The following RASSF5 variants were observed in gnomAD, a reference collection of about 807,000 sequenced individuals.
RASSF5 encodes Ras association domain family member 5, also known as ras association domain-containing protein 5.
A neutral mutation model predicts 40.5 loss-of-function variants in RASSF5; 25 were observed. The ratio of observed to expected loss-of-function variants is 0.62; its 90% CI spans 0.45 to 0.86. The LOEUF is 0.86. Among genes scored for constraint, RASSF5 ranks in the 40% least tolerant of loss-of-function variants. RASSF5 has a pLI of 0.00. For synonymous variants in RASSF5, 246 were observed against 252.4 expected, an observed-to-expected ratio of 0.97 and a Z score of 0.24; for missense variants, 521 against 572.8, an observed-to-expected ratio of 0.91 and a Z score of 0.92.
At chr1:206,512,609 T>C (rs1666646516) in intron 1 of RASSF5, among the ~76,000 whole-genome samples, 1 of 152,110 alleles carries the variant, frequency 6.6e-6, no homozygotes, top group Admixed American at 6.5e-5. Context: ...TTCTCCCCAA[T>C]TCTACCGGCG....
At position 206,586,882 on chromosome 1, in the gene RASSF5, G is replaced by C; in HGVS notation, c.1161G>C (p.Glu387Asp). ...ACTTCCTAACAATCCTGGAAAAAGA[G>C]GAGCAGGACAAAATCCAACAAGTGC... ...LQNFLTILEK[E>D]EQDKIQQVQK... Residue 387 changes from glutamate to aspartate, a missense_variant, in exon 6 of 6, where the codon GAG (glutamate) becomes GAC (aspartate). Glu to Asp is a conservative substitution (Grantham distance 45, BLOSUM62 2). This residue lies in a region of RASSF5 where 284 missense variants were observed against 360.8 expected (regional missense o/e 0.79). Transcript: ENST00000579436. The C allele has an allele frequency of 6.2e-7, 1 of 1,614,134 alleles. No homozygotes were observed. The highest frequency in any genetic ancestry group is 8.5e-7 in the Non-Finnish European group (1 of 1,180,030).
Position 206,586,936 on chromosome 1 carries a change from AC to A in RASSF5, c.1216del (p.Leu406TrpfsTer5). The A allele has an allele frequency of 6.2e-7, 1 of 1,614,166 alleles. No individual in the cohort carries two copies. Among genetic ancestry groups the A allele is most frequent in the Non-Finnish European group, 8.5e-7 (1 of 1,179,998 alleles). On this transcript the variant is annotated frameshift_variant, in exon 6 of 6. Coordinates refer to ENST00000579436, the MANE Select transcript of RASSF5 (RefSeq NM_182663.4). LOFTEE classifies it high-confidence loss of function. ...QKKYDKFRQK[L>X]EEALRESQGK... The stretch of plus-strand genomic sequence containing the variant: ...AGAAGTATGACAAGTTTAGGCAGAA[AC>A]TGGAGGAGGCCTTAAGAGAATCCCA...
chr1:206,557,321 G>C, intron 2 of RASSF5: 1 of 1,263,500 alleles, frequency 7.9e-7, no homozygotes, highest in Non-Finnish European at 1.0e-6. Context: ...GGCGCCCGGG[G>C]CTCTGCAGGC....
At chr1:206,530,928 G>A (rs533881959) in intron 1 of RASSF5, among the ~76,000 whole-genome samples, 5 of 152,332 alleles carry the variant, frequency 3.3e-5, no homozygotes, top group Admixed American at 2.6e-4. Flanking sequence ...GTGCACAGAC[G>A]GGCTTTTGAG....
intron 2 of RASSF5, chr1:206,557,203 CG>C: frequency 9.6e-7 from 1 of 1,044,098 alleles, no homozygotes; most frequent in Non-Finnish European, 1.2e-6. Flanking sequence ...GCGCGGGAGG[CG>C]GGGGAGGTGC....
chr1:206,556,683 T>C (rs1553401796), intron 2 of RASSF5, among the ~76,000 whole-genome samples: 1 of 152,178 alleles, frequency 6.6e-6, no homozygotes, highest in African/African-American at 2.4e-5. Context: ...CTGCATCTGA[T>C]TTGCATGTGT....
At chr1:206,521,318 A>G (rs1175669171) in intron 1 of RASSF5, among the ~76,000 whole-genome samples, 1 of 152,180 alleles carries the variant, frequency 6.6e-6, no homozygotes, top group African/African-American at 2.4e-5. Context: ...TCCCACTGCA[A>G]AAAAGCCTGC....
chr1:206,542,182 T>A (rs1390735325), intron 2 of RASSF5: 10 of 152,242 alleles, frequency 6.6e-5, no homozygotes, highest in Non-Finnish European at 1.5e-4. Context: ...GGTTTGGATG[T>A]GTGTCCCCTC....
chr1:206,586,960 C>G lies in RASSF5; in HGVS notation c.1239C>G (p.Ser413=). The G allele has an allele frequency of 4.3e-6, 7 of 1,614,154 alleles. No homozygotes were observed. The highest frequency in any genetic ancestry group is 5.9e-6 in the Non-Finnish European group (7 of 1,179,996). Residue 413 remains serine, a synonymous_variant, in exon 6 of 6, where the codon TCC becomes TCG. Transcript: ENST00000579436. ...AACTGGAGGAGGCCTTAAGAGAATCCCAGGGCAAACCTGGGTAACCGGTCC... is the reference window on the plus strand; with the variant it reads ...AACTGGAGGAGGCCTTAAGAGAATCGCAGGGCAAACCTGGGTAACCGGTCC... ...RQKLEEALRE[S]QGKPG
chr1:206,568,324 C>T (rs77556007), intron 2 of RASSF5, among the ~76,000 whole-genome samples: 1,801 of 152,300 alleles, frequency 0.012, 39 homozygotes, highest in African/African-American at 0.04. Flanking sequence ...TAACAGGGCA[C>T]GCAGCATGTG....
chr1:206,557,645 T>C, intron 2 of RASSF5: 1 of 1,614,274 alleles, frequency 6.2e-7, no homozygotes, highest in Non-Finnish European at 8.5e-7. Context: ...GCTTCTTCAC[T>C]GCTAAGACTA....
In RASSF5 at chr1:206,585,229, G is replaced by T. The variant is rs782387268; in HGVS notation, c.1038G>T (p.Leu346=). ...CTGACCGCCCCCTCTACCTGCGCCTGCTTGCTGGGCCTGACACGGAGGTCC... is the reference window on the plus strand; with the variant it reads ...CTGACCGCCCCCTCTACCTGCGCCTTCTTGCTGGGCCTGACACGGAGGTCC... ...SIADRPLYLR[L]LAGPDTEVLS... The change falls in exon 5 of 6, where the codon CTG becomes CTT. Residue 346 remains leucine, a synonymous_variant. Transcript: ENST00000579436. The T allele has an allele frequency of 3.1e-6, 5 of 1,614,166 alleles. No homozygotes were observed. Among genetic ancestry groups the T allele is most frequent in the Non-Finnish European group, 4.2e-6 (5 of 1,180,022 alleles).
At chr1:206,585,690 TCC>T (rs1669085724) in intron 5 of RASSF5, 1 of 162,532 alleles carries the variant, frequency 6.2e-6, no homozygotes, top group Admixed American at 6.1e-5. Flanking sequence ...CCATTTGTCC[TCC>T]CTTTTCTTGA....
At chr1:206,578,027 A>G (rs1553405484) in intron 2 of RASSF5, among the ~76,000 whole-genome samples, 1 of 152,044 alleles carries the variant, frequency 6.6e-6, no homozygotes, top group East Asian at 1.9e-4. Context: ...GTTTGAGACC[A>G]GCCTGGGCAA....
chr1:206,518,001 A>G (rs1666801840), intron 1 of RASSF5, among the ~76,000 whole-genome samples: 1 of 151,974 alleles, frequency 6.6e-6, no homozygotes, highest in South Asian at 2.1e-4. Flanking sequence ...TCCATTAACG[A>G]GCTCCTGGGC....
At position 206,513,014 on chromosome 1, in the gene RASSF5, G is replaced by C. The variant is rs1273861478; in HGVS notation, c.457+4955G>C. Among the ~76,000 whole-genome samples the C allele has an allele frequency of 2.6e-5, 4 of 152,232 alleles. No homozygotes were observed. The highest frequency in any genetic ancestry group is 9.6e-5 in the African/African-American group (4 of 41,454). The stretch of plus-strand genomic sequence containing the variant: ...TGGCTTTGCCAGGGACAGTGGTAAA[G>C]TTAGAACCTCTCGGGCGGGCCTCAT... On this transcript the variant is annotated intron_variant, in intron 1 of 5. Coordinates refer to ENST00000579436, the MANE Select transcript of RASSF5 (RefSeq NM_182663.4). The surrounding 1 kb of genome is among the most constrained non-coding windows in gnomAD (Gnocchi z 5.0).
chr1:206,538,337 A>T, intron 2 of RASSF5, 44 bp downstream of exon 2: 1 of 1,606,918 alleles, frequency 6.2e-7, no homozygotes, highest in Non-Finnish European at 8.5e-7. Flanking sequence ...CAGCCTCTGC[A>T]GGTGCCCCGG....
chr1:206,574,144 G>A (rs1668550437), intron 2 of RASSF5, among the ~76,000 whole-genome samples: 1 of 152,258 alleles, frequency 6.6e-6, no homozygotes, highest in Non-Finnish European at 1.5e-5. Context: ...CACTCTAGCT[G>A]AGCTGTGCAG....
rs188199506 is a variant in RASSF5, at chr1:206,518,089, C to T, written c.457+10030C>T. ...ACATTGATTTTCAGACTCACAGGCG[C>T]GACTGAGAAGTGAGGCTCGGGGCAG... On this transcript the variant is annotated intron_variant, in intron 1 of 5. Coordinates refer to ENST00000579436, the MANE Select transcript of RASSF5 (RefSeq NM_182663.4). Among the ~76,000 whole-genome samples, 14 of 152,312 alleles carry T rather than the reference C, an allele frequency of 9.2e-5. No homozygotes were observed. In the East Asian group the frequency reaches 2.1e-3, roughly 23 times the overall value.
Sources: gnomAD v4.1 joint callset for allele counts (sites outside exome capture counted in the v4.1 genomes callset) on GRCh38, gnomAD v4.1.1 for gene constraint, gnomAD v4.1.1 regional missense constraint, Gnocchi (gnomAD v3.1) non-coding constraint, MANE v1.5 for transcripts, NCBI Gene and HGNC (gene_info 2026-07-23, HGNC 2026-07-21) for gene names.